CFAP36: variants seen among roughly 807,000 people sequenced by gnomAD.
CFAP36 encodes cilia and flagella associated protein 36.
A neutral mutation model predicts 50.5 loss-of-function variants in CFAP36; 37 were observed. That is an observed-to-expected ratio of 0.73 (90% CI 0.56 to 0.96). The LOEUF is 0.96. Among genes scored for constraint, CFAP36 ranks in the 50% least tolerant of loss-of-function variants. The pLI is 0.00. For missense variants in CFAP36, 407 were observed against 396.2 expected (o/e 1.03, Z -0.23); for synonymous variants, 138 against 128.2 (o/e 1.08, Z -0.52).
intron 9 of CFAP36, 21 bp from the exon 10 acceptor site, chr2:55,544,886 A>T: frequency 1.3e-6 from 2 of 1,529,302 alleles, no homozygotes; most frequent in Non-Finnish European, 1.8e-6. Flanking sequence ...TACTGTAGCC[A>T]ATTTTTTCTT....
intron 7 of CFAP36, among the ~76,000 whole-genome samples, chr2:55,541,933 G>C (rs1202577306): frequency 6.6e-6 from 1 of 152,136 alleles, no homozygotes; most frequent in African/African-American, 2.4e-5. Flanking sequence ...ATTCTTATTT[G>C]ACAGAAAAAC....
chr2:55,543,853 A>T (rs1684702716), intron 7 of CFAP36, 85 bp from the exon 8 acceptor site: 1 of 1,283,924 alleles, frequency 7.8e-7, no homozygotes, highest in Admixed American at 2.0e-5. Flanking sequence ...TATTATTAAC[A>T]TTAGCTCATT....
chr2:55,525,628 C>T (rs1426035219), intron 3 of CFAP36, among the ~76,000 whole-genome samples: 2 of 122,494 alleles, frequency 1.6e-5, no homozygotes, highest in African/African-American at 5.4e-5. Context: ...AGGTAACTTG[C>T]TCTCTTTTTT....
Position 55,544,915 on chromosome 2 carries a change from A to G in CFAP36, c.936A>G (p.Thr312=), listed in dbSNP as rs373330967. The G allele has an allele frequency of 7.2e-5, 114 of 1,590,456 alleles. No individual in the cohort carries two copies. Among genetic ancestry groups the G allele is most frequent in the Non-Finnish European group, 9.1e-5 (107 of 1,171,866 alleles). The change falls in exon 10 of 10, where the codon ACA becomes ACG. Residue 312 remains threonine, a synonymous_variant. Transcript: ENST00000349456. Reference sequence around the variant, plus strand: ...TTTTCTTTTTTTTTCAGGAAATGACAGAGAAACCAGAAATGACAGCAGAGG... The same window carrying G: ...TTTTCTTTTTTTTTCAGGAAATGACGGAGAAACCAGAAATGACAGCAGAGG... ...GKPTGEVEEM[T]EKPEMTAEEK...
chr2:55,521,535 TATTC>T (rs1257545517), intron 1 of CFAP36, among the ~76,000 whole-genome samples: 1 of 152,080 alleles, frequency 6.6e-6, no homozygotes, highest in East Asian at 1.9e-4. Flanking sequence ...TATGAGGTAG[TATTC>T]ATTTTAAATA....
Position 55,523,828 on chromosome 2 carries a change from T to C in CFAP36, c.282+6T>C, listed in dbSNP as rs1033392397. 2 of 1,581,516 alleles carry C rather than the reference T, an allele frequency of 1.3e-6. No individual in the cohort carries two copies. Among genetic ancestry groups the C allele is most frequent in the Non-Finnish European group, 1.7e-6 (2 of 1,158,524 alleles). On this transcript the variant is annotated splice_donor_region_variant and intron_variant, in intron 3 of 9. Transcript: ENST00000349456. ...CAAAGACCCATACATCACAGGTTTT[T>C]GCTTTGTGTTATTCTGCTAACATAC...
intron 6 of CFAP36, chr2:55,536,022 C>A (rs1321368695): frequency 3.4e-6 from 2 of 587,090 alleles, no homozygotes; most frequent in Non-Finnish European, 5.0e-6. Flanking sequence ...TCTTACAGGA[C>A]ATGCATATAA....
rs748976831 is a variant in CFAP36, at chr2:55,533,930, A to G, written c.455A>G (p.Glu152Gly). The G allele has an allele frequency of 2.5e-6, 4 of 1,610,802 alleles. No homozygotes were observed. In the East Asian group the frequency reaches 6.7e-5, roughly 27 times the overall value. Residue 152 changes from glutamate to glycine, a missense_variant, in exon 5 of 10, where the codon GAA becomes GGA. Glu to Gly is a moderately conservative substitution (Grantham distance 98). Coordinates refer to ENST00000349456, the MANE Select transcript of CFAP36 (RefSeq NM_080667.7). ...GATGTGGTCAGTGACCTTGAACACGAAGAGATGAAAATCCTGAGGGAAGTT... is the reference window on the plus strand; with the variant it reads ...GATGTGGTCAGTGACCTTGAACACGGAGAGATGAAAATCCTGAGGGAAGTT... Reference protein sequence around the residue: ...GSDVVSDLEHEEMKILREVLR... With the variant: ...GSDVVSDLEHGEMKILREVLR...
intron 3 of CFAP36, 123 bp from the exon 4 acceptor site, chr2:55,528,755 A>T: frequency 1.7e-6 from 1 of 591,828 alleles, no homozygotes; most frequent in Non-Finnish European, 3.0e-6. Context: ...TGGGACATCT[A>T]ATCATAAATA....
At chr2:55,529,294 C>G (rs1684292813) in intron 4 of CFAP36, among the ~76,000 whole-genome samples, 1 of 151,922 alleles carries the variant, frequency 6.6e-6, no homozygotes. Flanking sequence ...TGGTGGCGGG[C>G]ACCTGTAGTC....
rs767373008 is a variant in CFAP36 at position 55,528,985 on chromosome 2, G to A, written c.390G>A (p.Glu130=). Residue 130 remains glutamate (E), a synonymous_variant, in exon 4 of 10, where the codon GAG becomes GAA. Transcript: ENST00000349456. ...TGCAAGCCATTCGAATAATTCAAGA[G>A]AGAAATGGTAAAATGTTGAAGTTAG... ...MQLQAIRIIQ[E]RNGVLPDCLT... is the part of the protein sequence containing the mutation. The A allele has an allele frequency of 4.4e-6, 7 of 1,599,486 alleles. No individual in the cohort carries two copies. Among genetic ancestry groups the A allele is most frequent in the Non-Finnish European group, 6.0e-6 (7 of 1,172,808 alleles).
At chr2:55,535,120 G>A (rs1684448364) in intron 5 of CFAP36, among the ~76,000 whole-genome samples, 2 of 152,172 alleles carry the variant, frequency 1.3e-5, no homozygotes, top group African/African-American at 2.4e-5. Flanking sequence ...TGTATTTTTA[G>A]ATTTTATTTT....
In CFAP36 at chr2:55,533,884, G is replaced by A. The variant is rs1361707742; in HGVS notation, c.409G>A (p.Asp137Asn). Reference protein sequence around the residue: ...IIQERNGVLPDCLTDGSDVVS... With the variant: ...IIQERNGVLPNCLTDGSDVVS... Reference sequence around the variant, plus strand: ...TTGGTTTTGAACAGGTGTATTACCTGACTGCTTAACCGATGGCTCTGATGT... The same window carrying A: ...TTGGTTTTGAACAGGTGTATTACCTAACTGCTTAACCGATGGCTCTGATGT... Residue 137 changes from aspartate to asparagine, a missense_variant, in exon 5 of 10, where the codon GAC becomes AAC. Physicochemically the swap from Asp to Asn is conservative, Grantham distance 23. Coordinates refer to ENST00000349456, the MANE Select transcript of CFAP36 (RefSeq NM_080667.7). The A allele has an allele frequency of 1.2e-6, 2 of 1,608,354 alleles. 1 individual carries two copies. The highest frequency in any genetic ancestry group is 3.4e-5 in the Admixed American group (2 of 59,138).
At chr2:55,541,539 A>G (rs1458963707) in intron 7 of CFAP36, among the ~76,000 whole-genome samples, 1 of 152,224 alleles carries the variant, frequency 6.6e-6, no homozygotes. Context: ...AAGGAAAGTG[A>G]TAAACTGTTA....
chr2:55,521,470 A>G (rs928490236), intron 1 of CFAP36, among the ~76,000 whole-genome samples: 3 of 152,094 alleles, frequency 2.0e-5, no homozygotes, highest in African/African-American at 7.2e-5. Flanking sequence ...TATTACATTA[A>G]AAGTTATGAA....
At chr2:55,540,406 ATTATAT>A (rs1234662659) in intron 7 of CFAP36, among the ~76,000 whole-genome samples, 1 of 151,982 alleles carries the variant, frequency 6.6e-6, no homozygotes, top group Non-Finnish European at 1.5e-5. Flanking sequence ...AGATAAATTG[ATTATAT>A]TTATGTGAGT....
At position 55,528,372 on chromosome 2, in the gene CFAP36, A is replaced by AT. The variant is rs776255178; in HGVS notation, c.283-505dup. 1.1e-3 allele frequency among the ~76,000 whole-genome samples: 172 copies of AT among 151,846 alleles called. 2 individuals carry two copies. In the Middle Eastern group the frequency reaches 0.024, roughly 21 times the overall value. On this transcript the variant is annotated intron_variant, in intron 3 of 9. Coordinates refer to ENST00000349456, the MANE Select transcript of CFAP36 (RefSeq NM_080667.7). Reference sequence around the variant, plus strand: ...ACAACTTTATTGAGATATAATTTGCATATCACAATACTGATCCTTTTGAAA... The same window carrying AT: ...ACAACTTTATTGAGATATAATTTGCATTATCACAATACTGATCCTTTTGAAA...
rs1356836045 is a variant in CFAP36 at position 55,537,591 on chromosome 2, G to C, written c.640+6G>C. The C allele has an allele frequency of 6.3e-7, 1 of 1,580,836 alleles. No individual in the cohort carries two copies. Among genetic ancestry groups the C allele is most frequent in the African/African-American group, 1.4e-5 (1 of 73,070 alleles). On this transcript the variant is annotated splice_donor_region_variant and intron_variant, in intron 7 of 9. Transcript: ENST00000349456. ...TTTTGCACACCCACCCTCAGGTAAGGTTGAGGTGTACTGAACTTTCTCTAA... is the reference window on the plus strand; with the variant it reads ...TTTTGCACACCCACCCTCAGGTAAGCTTGAGGTGTACTGAACTTTCTCTAA...
In CFAP36 at chr2:55,538,978, G is replaced by A. The variant is rs1684564464; in HGVS notation, c.640+1393G>A. 6 of 1,353,848 alleles carry A rather than the reference G, an allele frequency of 4.4e-6. No homozygotes were observed. The South Asian group carries it at 1.0e-4, about 23-fold the overall frequency. 83.9% of individuals were successfully genotyped at this position (1,353,848 alleles called of 1,614,324 possible). A position where few individuals can be genotyped will look rare whatever the true frequency, so the allele number is the denominator to read the frequency against. On this transcript the variant is annotated intron_variant, in intron 7 of 9. Coordinates refer to ENST00000349456, the MANE Select transcript of CFAP36 (RefSeq NM_080667.7). ...AATATGCCTAATTTAAGCTGTTTTA[G>A]GTTCACAGTAAAATTGAGCAGAAGG...
Sources: gnomAD v4.1 joint callset for allele counts (sites outside exome capture counted in the v4.1 genomes callset) on GRCh38, gnomAD v4.1.1 for gene constraint, MANE v1.5 for transcripts, NCBI Gene and HGNC (gene_info 2026-07-23, HGNC 2026-07-21) for gene names.